Variants in GLIS3 observed in about 807,000 individuals in gnomAD.
GLIS3 encodes the protein zinc finger protein GLIS3.
GLIS3 carries 53 observed loss-of-function variants against 78.6 expected under a neutral mutation model. That is an observed-to-expected ratio of 0.67 (90% confidence interval 0.54 to 0.85). GLIS3 has a LOEUF of 0.85. Among genes scored for constraint, GLIS3 ranks in the 40% least tolerant of loss-of-function variants. The pLI is 0.00. For missense variants in GLIS3, 1,703 were observed against 1,231.1 expected (o/e 1.38, Z -5.74); for synonymous variants, 684 against 509.9 (o/e 1.34, Z -4.60).
At position 3,964,281 on chromosome 9, in the gene GLIS3, G is replaced by A. The variant is rs540452143; in HGVS notation, c.1711-27092C>T. On this transcript the variant is annotated intron_variant, in intron 4 of 10. Coordinates refer to ENST00000381971, the MANE Select transcript of GLIS3 (RefSeq NM_001042413.2). The stretch of plus-strand genomic sequence containing the variant: ...CTCGGAGCAAGCTCATTTAATTTTC[G>A]CCTGACAGCTAGTAATAACAGAAGC... 1.6e-4 allele frequency among the ~76,000 whole-genome samples: 24 copies of A among 152,252 alleles called. No individual in the cohort carries two copies. In the South Asian group the frequency reaches 1.9e-3, roughly 12 times the overall value.
intron 2 of GLIS3, among the ~76,000 whole-genome samples, chr9:4,242,525 G>A (rs927165021): frequency 3.3e-5 from 5 of 152,106 alleles, no homozygotes; most frequent in Non-Finnish European, 7.4e-5. Flanking sequence ...CATGACCAAT[G>A]CATACTATGG....
At position 4,191,098 on chromosome 9, in the gene GLIS3, A is replaced by G. The variant is rs962366548; in HGVS notation, c.389-65157T>C. On this transcript the variant is annotated intron_variant, in intron 2 of 10. Coordinates refer to ENST00000381971, the MANE Select transcript of GLIS3 (RefSeq NM_001042413.2). ...AAAATCATGCCAAAATGTAAATACC[A>G]TCGAGACTAGGAAGAAACTGCATCA... 6.6e-5 allele frequency among the ~76,000 whole-genome samples: 10 copies of G among 151,738 alleles called. 1 individual carries two copies. The highest frequency in any genetic ancestry group is 9.6e-5 in the African/African-American group (4 of 41,484).
intron 2 of GLIS3, among the ~76,000 whole-genome samples, chr9:4,221,237 T>A (rs1587024911): frequency 1.3e-5 from 2 of 152,096 alleles, no homozygotes; most frequent in African/African-American, 2.4e-5. Flanking sequence ...AAGGCAGAAA[T>A]GAGGTAAAAT....
At chr9:3,897,869 AG>A (rs1822975587) in intron 7 of GLIS3, among the ~76,000 whole-genome samples, 1 of 152,226 alleles carries the variant, frequency 6.6e-6, no homozygotes, top group Admixed American at 6.5e-5. Flanking sequence ...CTCTGGAATC[AG>A]ATGGGGGTGG....
intron 8 of GLIS3, among the ~76,000 whole-genome samples, chr9:3,877,461 C>T (rs1821392899): frequency 6.6e-6 from 1 of 152,188 alleles, no homozygotes; most frequent in Non-Finnish European, 1.5e-5. Context: ...TTGCTAATTG[C>T]CAATCAGACA....
intron 2 of GLIS3, among the ~76,000 whole-genome samples, chr9:4,168,021 T>C (rs529178437): frequency 1.3e-5 from 2 of 152,322 alleles, no homozygotes; most frequent in South Asian, 4.1e-4. Context: ...AGGGCTTTAG[T>C]TGGAGTCTGT....
chr9:4,195,704 A>G (rs1818768266), intron 2 of GLIS3, among the ~76,000 whole-genome samples: 1 of 152,248 alleles, frequency 6.6e-6, no homozygotes, highest in Non-Finnish European at 1.5e-5. Context: ...CCATGGCCAC[A>G]GCGCGGGATC....
chr9:4,290,048 A>ATTATTAG, intron 1 of GLIS3, among the ~76,000 whole-genome samples: 1 of 152,274 alleles, frequency 6.6e-6, no homozygotes, highest in Admixed American at 6.5e-5. Flanking sequence ...AAACAAACGA[A>ATTATTAG]AAGCAATGTT....
the GLIS3 span, among the ~76,000 whole-genome samples, chr9:4,383,746 C>T: frequency 5.3e-5 from 8 of 152,182 alleles, no homozygotes; most frequent in Non-Finnish European, 1.0e-4. Flanking sequence ...ACATTTACTT[C>T]CAGAAAAGTA....
intron 2 of GLIS3, among the ~76,000 whole-genome samples, chr9:4,273,156 C>G (rs1029876621): frequency 3.3e-5 from 5 of 152,138 alleles, no homozygotes; most frequent in African/African-American, 1.2e-4. Context: ...TTTCAAAAGA[C>G]AAGTCTCAAG....
chr9:4,087,472 C>T (rs1172459705), intron 4 of GLIS3, among the ~76,000 whole-genome samples: 1 of 152,136 alleles, frequency 6.6e-6, no homozygotes, highest in Non-Finnish European at 1.5e-5. Context: ...CGGCAATTTC[C>T]TGATAGATCT....
intron 2 of GLIS3, among the ~76,000 whole-genome samples, chr9:4,341,411 T>C (rs542210512): frequency 1.6e-4 from 25 of 152,370 alleles, no homozygotes; most frequent in Non-Finnish European, 3.7e-4. Flanking sequence ...ACACAGCTCA[T>C]TGTGTGCTGG....
intron 4 of GLIS3, among the ~76,000 whole-genome samples, chr9:3,997,320 T>C (rs574715279): frequency 3.9e-5 from 6 of 151,978 alleles, no homozygotes; most frequent in Admixed American, 2.0e-4. Context: ...CACCCCAGCC[T>C]GGGCAAGAAG....
intron 4 of GLIS3, among the ~76,000 whole-genome samples, chr9:3,967,040 A>AAAG (rs1226736845): frequency 0.039 from 5,107 of 129,580 alleles, 625 homozygotes; most frequent in Non-Finnish European, 0.059. Context: ...AAAACAAAAA[A>AAAG]ACATTTTGAG....
the GLIS3 span, among the ~76,000 whole-genome samples, chr9:4,466,606 A>G: frequency 2.0e-5 from 3 of 152,246 alleles, no homozygotes; most frequent in African/African-American, 7.2e-5. Context: ...TGGGATTTAT[A>G]CTGGAAATGC....
rs761031222 is a variant in GLIS3 at position 3,977,630 on chromosome 9, C to T, written c.1711-40441G>A. ...ATCTGTCACTCCGATTTTAATTAGACGGCTTAAAGCAGCCACATCAATAAT... is the reference window on the plus strand; with the variant it reads ...ATCTGTCACTCCGATTTTAATTAGATGGCTTAAAGCAGCCACATCAATAAT... On this transcript the variant is annotated intron_variant, in intron 4 of 10. Coordinates refer to ENST00000381971, the MANE Select transcript of GLIS3 (RefSeq NM_001042413.2). The surrounding 1 kb of genome is among the most constrained non-coding windows in gnomAD (Gnocchi z 4.1). 7.9e-5 allele frequency among the ~76,000 whole-genome samples: 12 copies of T among 152,160 alleles called. No homozygotes were observed. The highest frequency in any genetic ancestry group is 6.2e-4 in the South Asian group (3 of 4,836).
the GLIS3 span, among the ~76,000 whole-genome samples, chr9:4,408,383 G>C: frequency 6.6e-6 from 1 of 151,074 alleles, no homozygotes; most frequent in Non-Finnish European, 1.5e-5. Flanking sequence ...TAGAACGATG[G>C]TTACCTGGGG....
At chr9:3,971,429 C>T (rs887150948) in intron 4 of GLIS3, among the ~76,000 whole-genome samples, 11 of 152,114 alleles carry the variant, frequency 7.2e-5, no homozygotes, top group African/African-American at 2.4e-4. Flanking sequence ...ATCCCTTATA[C>T]CTAAAAATGG....
the GLIS3 span, among the ~76,000 whole-genome samples, chr9:4,396,670 G>C: frequency 1.3e-5 from 2 of 152,166 alleles, no homozygotes; most frequent in Non-Finnish European, 2.9e-5. Context: ...TATGCAATTT[G>C]ATGAGAGGTA....
Sources: gnomAD v4.1 joint callset for allele counts (sites outside exome capture counted in the v4.1 genomes callset) on GRCh38, gnomAD v4.1.1 for gene constraint, Gnocchi (gnomAD v3.1) non-coding constraint, MANE v1.5 for transcripts, NCBI Gene and HGNC (gene_info 2026-07-23, HGNC 2026-07-21) for gene names.